SHPK: variants seen among roughly 807,000 people sequenced by gnomAD.
SHPK encodes the protein carbohydrate kinase-like protein.
SHPK carries 51 observed loss-of-function variants against 46.3 expected under a neutral mutation model. That is an observed-to-expected ratio of 1.10 (90% CI 0.88 to 1.39). The LOEUF is 1.39. Among genes scored for constraint, SHPK ranks in the 40% most tolerant of loss-of-function variants. The pLI, the probability that SHPK is intolerant of heterozygous loss-of-function variation, is 0.00. For missense variants in SHPK, 668 were observed against 641.3 expected (o/e 1.04, Z -0.45); for synonymous variants, 290 against 273.9 (o/e 1.06, Z -0.58).
chr17:3,616,338 G>T (rs1323292337), intron 5 of SHPK, among the ~76,000 whole-genome samples: 4 of 152,192 alleles, frequency 2.6e-5, no homozygotes, highest in Non-Finnish European at 4.4e-5. Flanking sequence ...TGCTCTCGGG[G>T]AAGGCAGGTG....
At chr17:3,630,645 G>C (rs1460535328) in intron 1 of SHPK, among the ~76,000 whole-genome samples, 2 of 152,192 alleles carry the variant, frequency 1.3e-5, no homozygotes, top group Non-Finnish European at 2.9e-5. Flanking sequence ...GATCACCTGA[G>C]GTCAGGAGTT....
intron 6 of SHPK, among the ~76,000 whole-genome samples, chr17:3,614,462 T>C (rs1468486407): frequency 6.6e-6 from 1 of 150,808 alleles, no homozygotes; most frequent in African/African-American, 2.5e-5. Flanking sequence ...GAGGCGGAGA[T>C]TGCAGTGAGC....
chr17:3,635,963 C>A lies in SHPK; in HGVS notation c.168+89G>T, dbSNP rs555376186. ...ACAAGCTGGAATAGAGACTTCATTG[C>A]GGGAAGGGCTGTCAGGGAGGCCTCC... On this transcript the variant is annotated intron_variant, in intron 1 of 6. Coordinates refer to ENST00000225519, the MANE Select transcript of SHPK (RefSeq NM_013276.4). 2.6e-5 allele frequency: 34 copies of A among 1,287,088 alleles called. No individual in the cohort carries two copies. The East Asian group carries it at 8.3e-4, about 31-fold the overall frequency. 79.7% of individuals were successfully genotyped at this position (1,287,088 alleles called of 1,614,324 possible).
chr17:3,625,973 A>C (rs2075433312), intron 2 of SHPK, among the ~76,000 whole-genome samples: 1 of 152,146 alleles, frequency 6.6e-6, no homozygotes, highest in Admixed American at 6.6e-5. Context: ...GAATCGCTTG[A>C]ACCCAGTAGG....
chr17:3,612,059 C>T (rs540209589), intron 6 of SHPK, among the ~76,000 whole-genome samples: 1 of 151,842 alleles, frequency 6.6e-6, no homozygotes, highest in South Asian at 2.1e-4. Context: ...CTGCCTCAGC[C>T]TTCCAAAGTA....
chr17:3,616,921 T>C (rs970510671), intron 5 of SHPK, among the ~76,000 whole-genome samples: 2 of 152,082 alleles, frequency 1.3e-5, no homozygotes, highest in African/African-American at 4.8e-5. Context: ...GTATTTTTAT[T>C]AGAGGTGGGG....
At position 3,623,783 on chromosome 17, in the gene SHPK, C is replaced by T. The variant is rs76068649; in HGVS notation, c.494+265G>A. ...CTCGCAGGCCTGAACACACTGCGAA[C>T]TCTCCCCGTGACCCTCGGCAAGTCA... On this transcript the variant is annotated intron_variant, in intron 3 of 6. Transcript: ENST00000225519. Among the ~76,000 whole-genome samples, 322 of 152,332 alleles carry T rather than the reference C, an allele frequency of 2.1e-3. 2 individuals carry two copies. Among genetic ancestry groups the T allele is most frequent in the Non-Finnish European group, 3.6e-3 (246 of 68,028 alleles).
intron 3 of SHPK, 30 bp from the exon 4 acceptor site, chr17:3,623,521 G>A (rs761303498): frequency 2.3e-5 from 37 of 1,611,000 alleles, no homozygotes; most frequent in South Asian, 1.5e-4. Flanking sequence ...CAACCAACAC[G>A]GTATAACATG....
At position 3,635,656 on chromosome 17, in the gene SHPK, C is replaced by A. The variant is rs936350618; in HGVS notation, c.168+396G>T. On this transcript the variant is annotated intron_variant, in intron 1 of 6. Transcript: ENST00000225519. ...CTCTGCCCTGGGCAACAAACTGAATCCTGAACTTGAGGTCACAGGGCAGGT... is the reference window on the plus strand; with the variant it reads ...CTCTGCCCTGGGCAACAAACTGAATACTGAACTTGAGGTCACAGGGCAGGT... Among the ~76,000 whole-genome samples, 7 of 152,212 alleles carry A rather than the reference C, an allele frequency of 4.6e-5. 1 individual carries two copies. The highest frequency in any genetic ancestry group is 1.0e-4 in the Non-Finnish European group (7 of 68,036).
intron 2 of SHPK, 45 bp from the exon 3 acceptor site, chr17:3,624,276 C>G: frequency 9.0e-6 from 14 of 1,559,040 alleles, no homozygotes; most frequent in African/African-American, 1.4e-5. Flanking sequence ...GAGCAAATGA[C>G]TAGGCATGGC....
intron 2 of SHPK, among the ~76,000 whole-genome samples, chr17:3,628,254 G>A (rs1006800324): frequency 6.6e-6 from 1 of 152,010 alleles, no homozygotes; most frequent in African/African-American, 2.4e-5. Context: ...TTGAAGCTGA[G>A]TGATGGGTAT....
intron 6 of SHPK, 120 bp downstream of exon 6, chr17:3,615,217 G>T: frequency 2.3e-6 from 2 of 887,458 alleles, no homozygotes; most frequent in Non-Finnish European, 3.6e-6. Context: ...CCAGGACCTG[G>T]CAGGGTCTGA....
intron 4 of SHPK, among the ~76,000 whole-genome samples, chr17:3,621,781 T>G (rs2075405102): frequency 6.7e-6 from 1 of 149,380 alleles, no homozygotes; most frequent in Non-Finnish European, 1.5e-5. Flanking sequence ...GCCTCCCTAA[T>G]AGCTGGGATT....
At chr17:3,617,299 C>T (rs553405494) in intron 5 of SHPK, among the ~76,000 whole-genome samples, 1 of 152,302 alleles carries the variant, frequency 6.6e-6, no homozygotes, top group South Asian at 2.1e-4. Flanking sequence ...CTGCTTCCTG[C>T]TGCACATTGG....
At chr17:3,616,407 C>CA (rs2075371998) in intron 5 of SHPK, among the ~76,000 whole-genome samples, 1 of 152,144 alleles carries the variant, frequency 6.6e-6, no homozygotes, top group African/African-American at 2.4e-5. Flanking sequence ...GGCCTTCTAC[C>CA]AACAGCATCA....
rs1445164557 is a variant in SHPK, at chr17:3,609,328, A to C, written c.*1232T>G. The C allele has an allele frequency of 6.7e-6, 1 of 148,504 alleles. No homozygotes were observed. The highest frequency in any genetic ancestry group is 1.5e-5 in the Non-Finnish European group (1 of 66,794). The allele number at this position is 148,504 out of a possible 1,614,324, so 9.2% of individuals were successfully genotyped here. On this transcript the variant is annotated 3_prime_UTR_variant, in exon 7 of 7. Coordinates refer to ENST00000225519, the MANE Select transcript of SHPK (RefSeq NM_013276.4). Reference sequence around the variant, plus strand: ...TCATACCTGTCATGGATACTGAGAGAGAGAGAGAGAGAGAGAGAGAGAATA... The same window carrying C: ...TCATACCTGTCATGGATACTGAGAGCGAGAGAGAGAGAGAGAGAGAGAATA...
At chr17:3,633,753 C>T (rs532313795) in intron 1 of SHPK, among the ~76,000 whole-genome samples, 30 of 152,232 alleles carry the variant, frequency 2.0e-4, no homozygotes, top group African/African-American at 7.2e-4. Flanking sequence ...GGCCACCACC[C>T]CGTCTGGGTA....
At chr17:3,611,386 T>C (rs1309779976) in intron 6 of SHPK, among the ~76,000 whole-genome samples, 1 of 152,152 alleles carries the variant, frequency 6.6e-6, no homozygotes, top group Non-Finnish European at 1.5e-5. Flanking sequence ...CTGGCCAACG[T>C]GGTGAAACCC....
chr17:3,630,924 T>C (rs1394308274), intron 1 of SHPK, among the ~76,000 whole-genome samples: 5 of 152,146 alleles, frequency 3.3e-5, no homozygotes, highest in Non-Finnish European at 7.4e-5. Flanking sequence ...AAGAGAATTG[T>C]GGCTCAGCTC....
Sources: allele counts gnomAD v4.1 joint callset (sites outside exome capture counted in the v4.1 genomes callset), GRCh38; gene constraint gnomAD v4.1.1; transcripts MANE v1.5; gene names NCBI Gene and HGNC (gene_info 2026-07-23, HGNC 2026-07-21).